The following KDM2B variants were observed in gnomAD, a reference collection of about 807,000 sequenced individuals.
KDM2B encodes the protein lysine demethylase 2B.
In KDM2B, 26 loss-of-function variants were observed where a neutral mutation model predicts 150.0. The observed-to-expected ratio is 0.17, with a 90% confidence interval of 0.13 to 0.24. KDM2B has a LOEUF of 0.24. Ranked by LOEUF, KDM2B falls within the 10% of genes least tolerant of loss-of-function variation. The pLI is 1.00. For missense variants in KDM2B, 1,265 were observed against 1,816.9 expected (o/e 0.70, Z 5.52); for synonymous variants, 734 against 729.5 (o/e 1.01, Z -0.10).
At chr12:121,535,498 ACT>A (rs1343207347) in intron 6 of KDM2B, among the ~76,000 whole-genome samples, 2 of 152,098 alleles carry the variant, frequency 1.3e-5, no homozygotes, top group Non-Finnish European at 2.9e-5. Flanking sequence ...TGGTTGCAAA[ACT>A]CTGTGAACAT....
intron 11 of KDM2B, among the ~76,000 whole-genome samples, chr12:121,499,542 T>C (rs1316568254): frequency 2.6e-5 from 4 of 152,050 alleles, no homozygotes; most frequent in Non-Finnish European, 5.9e-5. Flanking sequence ...TCCTAGCTTC[T>C]TGGGGAGATT....
At chr12:121,492,441 G>C (rs1593935394) in intron 12 of KDM2B, among the ~76,000 whole-genome samples, 2 of 151,814 alleles carry the variant, frequency 1.3e-5, no homozygotes, top group East Asian at 4.0e-4. Flanking sequence ...CTGAGTAGCT[G>C]GGATTACAGG....
In KDM2B at chr12:121,537,152, G is replaced by T. The variant is rs1236565065; in HGVS notation, c.684-2562C>A. On this transcript the variant is annotated intron_variant, in intron 6 of 22. Transcript: ENST00000377071. The surrounding 1 kb of genome is among the most constrained non-coding windows in gnomAD (Gnocchi z 8.7). ...CAAGCCTGGCCGCCCCTCCCACCCC[G>T]CGATCGCAGGCATTAGGGGAGCCAG... Among the ~76,000 whole-genome samples the T allele has an allele frequency of 6.6e-6, 1 of 151,686 alleles. No homozygotes were observed. The highest frequency in any genetic ancestry group is 2.4e-5 in the African/African-American group (1 of 41,254).
At chr12:121,495,399 G>A (rs1555300782) in intron 11 of KDM2B, among the ~76,000 whole-genome samples, 1 of 152,146 alleles carries the variant, frequency 6.6e-6, no homozygotes, top group Non-Finnish European at 1.5e-5. Context: ...GACCTCAAGT[G>A]ACCCACCTGC....
chr12:121,423,210 T>C, the KDM2B span, among the ~76,000 whole-genome samples: 23 of 152,340 alleles, frequency 1.5e-4, no homozygotes, highest in Middle Eastern at 3.4e-3. This position sits in a 1 kb window ranked among gnomAD's most constrained non-coding sequence, Gnocchi z 4.3. Context: ...TCATTGCCAT[T>C]TCTAGTGGAG....
chr12:121,450,883 G>A (rs1364532290), intron 13 of KDM2B, among the ~76,000 whole-genome samples: 4 of 151,750 alleles, frequency 2.6e-5, no homozygotes, highest in African/African-American at 9.7e-5. Flanking sequence ...GGAAGAAACA[G>A]GAACTTTCAT....
At chr12:121,460,022 A>G (rs1437067995) in intron 12 of KDM2B, among the ~76,000 whole-genome samples, 1 of 152,192 alleles carries the variant, frequency 6.6e-6, no homozygotes, top group African/African-American at 2.4e-5. Flanking sequence ...TTAAATAGCT[A>G]TTTCTCCAAA....
chr12:121,430,103 G>A lies in KDM2B; in HGVS notation c.*185C>T, dbSNP rs782575727. 1 of 1,605,558 alleles carries A rather than the reference G, an allele frequency of 6.2e-7. No individual in the cohort carries two copies. ...GCAGTTACGATTCAGAAAGACCAAA[G>A]GAAAGTGTCGGCTCACTCATCCCCC... On this transcript the variant is annotated 3_prime_UTR_variant, in exon 23 of 23. Coordinates refer to ENST00000377071, the MANE Select transcript of KDM2B (RefSeq NM_032590.5). This position sits in a 1 kb window ranked among gnomAD's most constrained non-coding sequence, Gnocchi z 4.4.
rs1211864504 is a variant in KDM2B, at chr12:121,537,914, T to TCGG, written c.684-3327_684-3325dup. On this transcript the variant is annotated intron_variant, in intron 6 of 22. Transcript: ENST00000377071. The surrounding 1 kb of genome is among the most constrained non-coding windows in gnomAD (Gnocchi z 8.7). ...CGGGCAGCGCGGCCCGCGGTTACCC[T>TCGG]CGGCGGCGGCGGCGGCGGCTCCCGT... 9.3e-5 allele frequency among the ~76,000 whole-genome samples: 14 copies of TCGG among 150,382 alleles called. No homozygotes were observed. Among genetic ancestry groups the TCGG allele is most frequent in the South Asian group, 4.2e-4 (2 of 4,802 alleles).
intron 13 of KDM2B, among the ~76,000 whole-genome samples, chr12:121,449,952 A>C (rs1838259112): frequency 6.6e-6 from 1 of 152,228 alleles, no homozygotes; most frequent in African/African-American, 2.4e-5. Flanking sequence ...ATCCTTGCTA[A>C]CCAGAGACCT....
At position 121,445,480 on chromosome 12, in the gene KDM2B, G is replaced by A. The variant is rs1004566182; in HGVS notation, c.1960-62C>T. On this transcript the variant is annotated intron_variant, in intron 13 of 22. Transcript: ENST00000377071. Reference sequence around the variant, plus strand: ...GTGGGGAGCACGGACCCCCAGGGGGGCCAGTTCAAGGGCAATGAGCTGCTC... The same window carrying A: ...GTGGGGAGCACGGACCCCCAGGGGGACCAGTTCAAGGGCAATGAGCTGCTC... The A allele has an allele frequency of 2.3e-5, 35 of 1,500,664 alleles. No homozygotes were observed. The Middle Eastern group carries it at 6.5e-4, about 28-fold the overall frequency. 93.0% of individuals were successfully genotyped at this position (1,500,664 alleles called of 1,614,324 possible).
intron 4 of KDM2B, among the ~76,000 whole-genome samples, chr12:121,561,476 C>T (rs1191198457): frequency 2.0e-5 from 3 of 152,154 alleles, no homozygotes; most frequent in East Asian, 3.9e-4. Flanking sequence ...TCGAGTGATA[C>T]GCCCGCCTCA....
At chr12:121,516,986 C>G (rs1372130812) in intron 9 of KDM2B, 1 of 598,198 alleles carries the variant, frequency 1.7e-6, no homozygotes, top group Non-Finnish European at 2.9e-6. Flanking sequence ...GGGAATGGGG[C>G]ATGTCGGCAT....
rs1280789699 is a variant in KDM2B, at chr12:121,468,854, A to G, written c.1735-15510T>C. On this transcript the variant is annotated intron_variant, in intron 12 of 22. Coordinates refer to ENST00000377071, the MANE Select transcript of KDM2B (RefSeq NM_032590.5). The surrounding 1 kb of genome is among the most constrained non-coding windows in gnomAD (Gnocchi z 4.0). ...ACACACCCACTATAGAAAAAATCCC[A>G]GTCGACTTGCTCTTTGCCGAAACGT... 2 of 152,198 alleles carry G rather than the reference A, an allele frequency of 1.3e-5. No individual in the cohort carries two copies. The highest frequency in any genetic ancestry group is 2.9e-5 in the Non-Finnish European group (2 of 68,034). 9.4% of individuals were successfully genotyped at this position (152,198 alleles called of 1,614,324 possible).
intron 4 of KDM2B, among the ~76,000 whole-genome samples, chr12:121,550,995 G>A (rs1555311708): frequency 1.3e-5 from 2 of 152,078 alleles, no homozygotes; most frequent in East Asian, 1.9e-4. Flanking sequence ...GGCTCCGTGC[G>A]ACAATGGCAG....
intron 12 of KDM2B, among the ~76,000 whole-genome samples, chr12:121,465,112 A>G (rs1555294517): frequency 6.6e-6 from 1 of 152,200 alleles, no homozygotes; most frequent in Non-Finnish European, 1.5e-5. Flanking sequence ...TAAAGTTAAC[A>G]ATACAACCTC....
intron 12 of KDM2B, among the ~76,000 whole-genome samples, chr12:121,477,241 T>C (rs1354629554): frequency 1.3e-5 from 2 of 152,018 alleles, no homozygotes; most frequent in African/African-American, 4.8e-5. Context: ...AGGCTAATTT[T>C]TTTTATTTTT....
the KDM2B span, chr12:121,420,816 T>G: frequency 2.0e-6 from 3 of 1,509,394 alleles, no homozygotes; most frequent in Non-Finnish European, 2.7e-6. Flanking sequence ...GTAGTATTTT[T>G]CCTTAGGCTT....
chr12:121,486,734 C>A (rs1048387008), intron 12 of KDM2B, among the ~76,000 whole-genome samples: 1 of 150,210 alleles, frequency 6.7e-6, no homozygotes, highest in Non-Finnish European at 1.5e-5. Context: ...TGGTACTGAG[C>A]CAAGGTTGCA....
Sources: allele counts gnomAD v4.1 joint callset (sites outside exome capture counted in the v4.1 genomes callset), GRCh38; gene constraint gnomAD v4.1.1; non-coding constraint Gnocchi (gnomAD v3.1); transcripts MANE v1.5; gene names NCBI Gene and HGNC (gene_info 2026-07-23, HGNC 2026-07-21).